CCSER1: variants seen among roughly 807,000 people sequenced by gnomAD.
CCSER1 encodes serine-rich coiled-coil domain-containing protein 1.
CCSER1 carries 41 observed loss-of-function variants against 82.0 expected under a neutral mutation model. That is an observed-to-expected ratio of 0.50 (90% CI 0.39 to 0.65). The LOEUF is 0.65. CCSER1 is among the 30% of genes least tolerant of loss of function. The pLI, the probability that CCSER1 is intolerant of heterozygous loss-of-function variation, is 0.00. For missense variants in CCSER1, 1,119 were observed against 1,064.2 expected (o/e 1.05, Z -0.72); for synonymous variants, 414 against 383.9 (o/e 1.08, Z -0.92).
chr4:90,284,909 T>C (rs1729587828), intron 1 of CCSER1, among the ~76,000 whole-genome samples: 1 of 152,194 alleles, frequency 6.6e-6, no homozygotes, highest in African/African-American at 2.4e-5. Flanking sequence ...TTCCCCAAGG[T>C]ATATCCTTGG....
At chr4:90,524,747 A>G (rs541423052) in intron 5 of CCSER1, among the ~76,000 whole-genome samples, 7 of 152,278 alleles carry the variant, frequency 4.6e-5, no homozygotes, top group Non-Finnish European at 1.0e-4. Flanking sequence ...GATTACAGAC[A>G]TGAGCCACCT....
intron 1 of CCSER1, among the ~76,000 whole-genome samples, chr4:90,171,786 C>G (rs889599239): frequency 2.2e-4 from 34 of 151,868 alleles, no homozygotes; most frequent in Admixed American, 1.9e-3. Context: ...TTCCAGCACC[C>G]ACTTAAAAAG....
intron 4 of CCSER1, chr4:90,403,957 G>A (rs997728589): frequency 2.0e-5 from 3 of 152,182 alleles, no homozygotes; most frequent in Non-Finnish European, 2.9e-5. Context: ...AAAGCCAAGA[G>A]AATCCACAGA....
intron 10 of CCSER1, among the ~76,000 whole-genome samples, chr4:91,405,737 T>C (rs764699389): frequency 1.2e-4 from 19 of 152,170 alleles, no homozygotes; most frequent in Non-Finnish European, 2.2e-4. Flanking sequence ...AGCACAGTAT[T>C]AGGGTAAGAG....
intron 10 of CCSER1, among the ~76,000 whole-genome samples, chr4:91,119,195 A>G (rs952048366): frequency 2.0e-5 from 3 of 152,082 alleles, no homozygotes; most frequent in Non-Finnish European, 2.9e-5. Context: ...CATTGATTAA[A>G]CTCCACTGGT....
chr4:90,727,621 T>C (rs551167719), intron 7 of CCSER1, among the ~76,000 whole-genome samples: 1 of 152,142 alleles, frequency 6.6e-6, no homozygotes, highest in East Asian at 1.9e-4. Context: ...CATTTCACTG[T>C]TCTTTAGTAG....
chr4:91,088,364 T>G (rs1723588795), intron 10 of CCSER1, among the ~76,000 whole-genome samples: 1 of 152,122 alleles, frequency 6.6e-6, no homozygotes, highest in Admixed American at 6.5e-5. Context: ...ATTGAAGTAA[T>G]GAAAACAGAG....
chr4:90,663,171 A>T (rs1731130341), intron 6 of CCSER1, among the ~76,000 whole-genome samples: 1 of 152,220 alleles, frequency 6.6e-6, no homozygotes, highest in African/African-American at 2.4e-5. Flanking sequence ...CCTAGAGGAA[A>T]GAGAAAAGAA....
intron 10 of CCSER1, among the ~76,000 whole-genome samples, chr4:91,345,864 T>G (rs190054304): frequency 6.6e-6 from 1 of 152,276 alleles, no homozygotes; most frequent in East Asian, 1.9e-4. Flanking sequence ...CACAAACTCC[T>G]GGCAACCACT....
chr4:90,392,547 C>T (rs563583965), intron 3 of CCSER1, among the ~76,000 whole-genome samples: 3 of 151,998 alleles, frequency 2.0e-5, no homozygotes, highest in Non-Finnish European at 4.4e-5. Flanking sequence ...CATTTAAATA[C>T]AAAAACACAC....
intron 10 of CCSER1, among the ~76,000 whole-genome samples, chr4:91,100,028 G>A (rs897845237): frequency 1.3e-5 from 2 of 152,034 alleles, no homozygotes; most frequent in African/African-American, 4.8e-5. Context: ...ACATGTTTTG[G>A]GGTAAAATAT....
At chr4:91,194,715 G>A (rs2149054708) in intron 10 of CCSER1, among the ~76,000 whole-genome samples, 2 of 152,034 alleles carry the variant, frequency 1.3e-5, no homozygotes. Context: ...GAAAGAGAGA[G>A]GTTGTTTGCA....
At chr4:91,251,750 T>G (rs1534560) in intron 10 of CCSER1, among the ~76,000 whole-genome samples, 1 of 152,164 alleles carries the variant, frequency 6.6e-6, no homozygotes, top group Non-Finnish European at 1.5e-5. Flanking sequence ...TACATACGTA[T>G]ATAGAATAGG....
At chr4:91,147,857 G>T (rs1241785638) in intron 10 of CCSER1, among the ~76,000 whole-genome samples, 8 of 152,210 alleles carry the variant, frequency 5.3e-5, no homozygotes, top group Admixed American at 5.2e-4. Context: ...ATTAATTGAA[G>T]GAATATTTTA....
intron 10 of CCSER1, among the ~76,000 whole-genome samples, chr4:91,288,853 G>T (rs1743525912): frequency 6.6e-6 from 1 of 151,998 alleles, no homozygotes; most frequent in African/African-American, 2.4e-5. Flanking sequence ...CTGTAGTACT[G>T]AGAAGGCCAC....
chr4:91,397,655 T>C (rs1241751009), intron 10 of CCSER1, among the ~76,000 whole-genome samples: 1 of 152,056 alleles, frequency 6.6e-6, no homozygotes, highest in East Asian at 1.9e-4. Flanking sequence ...TATGAGATAG[T>C]GCAAACTCTC....
intron 10 of CCSER1, among the ~76,000 whole-genome samples, chr4:91,326,217 C>T (rs138256643): frequency 2.4e-3 from 361 of 152,136 alleles, no homozygotes; most frequent in African/African-American, 7.7e-3. Context: ...AAGAACTACC[C>T]GAGACTGGGT....
intron 5 of CCSER1, among the ~76,000 whole-genome samples, chr4:90,545,423 A>G (rs1776637687): frequency 6.6e-6 from 1 of 152,116 alleles, no homozygotes; most frequent in Non-Finnish European, 1.5e-5. Context: ...AAACCTAACC[A>G]TGATTTATAA....
chr4:90,432,531 C>T (rs1758427381), intron 4 of CCSER1, among the ~76,000 whole-genome samples: 2 of 152,044 alleles, frequency 1.3e-5, no homozygotes, highest in African/African-American at 4.8e-5. Context: ...CCTTCTTGTT[C>T]TTCTTCCCCT....
Sources: gnomAD v4.1 joint callset for allele counts (sites outside exome capture counted in the v4.1 genomes callset) on GRCh38, gnomAD v4.1.1 for gene constraint, MANE v1.5 for transcripts, NCBI Gene and HGNC (gene_info 2026-07-23, HGNC 2026-07-21) for gene names.